PRICKLE2: variants seen among roughly 807,000 people sequenced by gnomAD.
PRICKLE2 encodes the protein prickle-like protein 2.
In PRICKLE2, 21 loss-of-function variants were observed where a neutral mutation model predicts 81.4. The ratio of observed to expected loss-of-function variants is 0.26; its 90% CI spans 0.18 to 0.37. The LOEUF is 0.37. Among genes scored for constraint, PRICKLE2 ranks in the 10% least tolerant of loss-of-function variants. PRICKLE2 has a pLI of 1.00. For synonymous variants in PRICKLE2, 456 were observed against 421.5 expected (o/e 1.08, Z -1.00); for missense variants, 940 against 1,109.0 (o/e 0.85, Z 2.16).
intron 7 of PRICKLE2, among the ~76,000 whole-genome samples, chr3:64,142,245 G>A (rs1341818982): frequency 2.0e-5 from 3 of 150,312 alleles, no homozygotes; most frequent in Non-Finnish European, 4.4e-5. Context: ...TTAATTCCCT[G>A]TTTTTCATGG....
At chr3:64,183,043 A>C (rs1481264652) in intron 2 of PRICKLE2, among the ~76,000 whole-genome samples, 1 of 152,212 alleles carries the variant, frequency 6.6e-6, no homozygotes, top group Non-Finnish European at 1.5e-5. Flanking sequence ...GAATAATAGG[A>C]ATGCAATATC....
chr3:64,117,302 C>T (rs921505458), intron 7 of PRICKLE2, among the ~76,000 whole-genome samples: 14 of 152,262 alleles, frequency 9.2e-5, no homozygotes, highest in African/African-American at 3.4e-4. Flanking sequence ...GACAAGGATG[C>T]CCTCTCTCAC....
chr3:64,159,638 C>T (rs558423657), intron 4 of PRICKLE2, among the ~76,000 whole-genome samples: 13 of 152,326 alleles, frequency 8.5e-5, no homozygotes, highest in Middle Eastern at 6.8e-3. Flanking sequence ...CATCTTTGCT[C>T]AGATCTTCTA....
In PRICKLE2 at chr3:64,096,155, G is replaced by C. The variant is rs776570106; in HGVS notation, c.*2896C>G. 2.0e-5 allele frequency: 3 copies of C among 152,212 alleles called. No individual in the cohort carries two copies. Among genetic ancestry groups the C allele is most frequent in the Non-Finnish European group, 4.4e-5 (3 of 68,058 alleles). 9.4% of individuals were successfully genotyped at this position (152,212 alleles called of 1,614,324 possible). On this transcript the variant is annotated 3_prime_UTR_variant, in exon 8 of 8. Coordinates refer to ENST00000638394, the MANE Select transcript of PRICKLE2 (RefSeq NM_198859.4). ...CCAAAAGACAAGAAGATCAATATTA[G>C]GAGAGGTGGGAAAAATAACAACCAG...
At chr3:64,227,119 AT>A (rs1251405924), upstream of PRICKLE2, among the ~76,000 whole-genome samples, 1 of 152,232 alleles carries the variant, frequency 6.6e-6, no homozygotes, top group East Asian at 1.9e-4. Context: ...TTCTTTCAGA[AT>A]GCTTCTCTCT....
intron 2 of PRICKLE2, among the ~76,000 whole-genome samples, chr3:64,179,063 T>C (rs2078081020): frequency 6.6e-6 from 1 of 151,420 alleles, no homozygotes; most frequent in South Asian, 2.1e-4. Context: ...TTTCTTCTTT[T>C]TCTTTTCTCT....
At chr3:64,106,481 T>C (rs1355958431) in intron 7 of PRICKLE2, among the ~76,000 whole-genome samples, 1 of 152,188 alleles carries the variant, frequency 6.6e-6, no homozygotes, top group Non-Finnish European at 1.5e-5. Flanking sequence ...ATTGAATGCA[T>C]GATTGTATGG....
At chr3:64,181,559 C>T (rs1461085882) in intron 2 of PRICKLE2, among the ~76,000 whole-genome samples, 2 of 152,048 alleles carry the variant, frequency 1.3e-5, no homozygotes, top group Admixed American at 1.3e-4. Context: ...AGTTATTCTA[C>T]TGACAGCTCT....
intron 2 of PRICKLE2, among the ~76,000 whole-genome samples, chr3:64,245,675 T>C (rs1447387359): frequency 1.3e-5 from 2 of 152,196 alleles, no homozygotes; most frequent in Non-Finnish European, 2.9e-5. Context: ...GGAGGATTCC[T>C]CTTTTTGTAC....
At chr3:64,214,337 G>A (rs2107140139) in intron 1 of PRICKLE2, among the ~76,000 whole-genome samples, 1 of 152,306 alleles carries the variant, frequency 6.6e-6, no homozygotes, top group South Asian at 2.1e-4. Context: ...AGCGATTGGA[G>A]GTTTACCAGA....
upstream of PRICKLE2, among the ~76,000 whole-genome samples, chr3:64,228,099 T>C (rs1369019503): frequency 4.6e-5 from 7 of 152,188 alleles, no homozygotes; most frequent in Non-Finnish European, 1.0e-4. Flanking sequence ...AAGACAACTA[T>C]ATTTTTGAGA....
At chr3:64,165,853 C>T (rs915909125) in intron 2 of PRICKLE2, among the ~76,000 whole-genome samples, 2 of 152,074 alleles carry the variant, frequency 1.3e-5, no homozygotes, top group African/African-American at 4.8e-5. Flanking sequence ...AGAGTGAGAC[C>T]AAACCCTGAA....
chr3:64,098,983 A>C lies in PRICKLE2; in HGVS notation c.*68T>G. 6.3e-7 allele frequency: 1 copy of C among 1,598,294 alleles called. No individual in the cohort carries two copies. The highest frequency in any genetic ancestry group is 1.1e-5 in the South Asian group (1 of 90,426). ...ACCCCCAAAAGCGCTTTAACATTTA[A>C]AACAGTGCAAGTTTCTGACTTTACA... On this transcript the variant is annotated 3_prime_UTR_variant, in exon 8 of 8. Coordinates refer to ENST00000638394, the MANE Select transcript of PRICKLE2 (RefSeq NM_198859.4).
At position 64,147,105 on chromosome 3, in the gene PRICKLE2, C is replaced by A. The variant is rs1223847140; in HGVS notation, c.1385G>T (p.Gly462Val). The change falls in exon 7 of 8, where the codon GGC becomes GTC. Residue 462 changes from glycine (G) to valine (V), a missense_variant. Around this residue, in one of 2 missense-constraint regions of PRICKLE2, gnomAD observed 670 missense variants for 717.2 expected, o/e 0.93. Coordinates refer to ENST00000638394, the MANE Select transcript of PRICKLE2 (RefSeq NM_198859.4). This position sits in a 1 kb window ranked among gnomAD's most constrained non-coding sequence, Gnocchi z 5.0. ...SSSLAMTGHA[G>V]SFIKECREDY... ...TTCTCGGCATTCCTTGATGAAGCTGCCAGCATGTCCTGTCATGGCCAGTGA... is the reference window on the plus strand; with the variant it reads ...TTCTCGGCATTCCTTGATGAAGCTGACAGCATGTCCTGTCATGGCCAGTGA... 1 of 1,614,048 alleles carries A rather than the reference C, an allele frequency of 6.2e-7. No individual in the cohort carries two copies. Among genetic ancestry groups the A allele is most frequent in the Non-Finnish European group, 8.5e-7 (1 of 1,180,042 alleles).
At chr3:64,141,787 G>C (rs1185878852) in intron 7 of PRICKLE2, 1 of 984,840 alleles carries the variant, frequency 1.0e-6, no homozygotes, top group Non-Finnish European at 1.2e-6. Context: ...CCCACAGAAA[G>C]ATCACACTTC....
chr3:64,195,891 G>A (rs545115911), intron 2 of PRICKLE2, among the ~76,000 whole-genome samples: 12 of 152,242 alleles, frequency 7.9e-5, no homozygotes, highest in East Asian at 5.8e-4. Context: ...AATCATCTGT[G>A]TCATAAAGAT....
Position 64,176,721 on chromosome 3 carries a change from C to T in PRICKLE2, c.145-13592G>A, listed in dbSNP as rs550947441. ...CATTAAATACATGATTGAGAAGTGA[C>T]CAGAAAATATGAAAATGAAGGAACT... On this transcript the variant is annotated intron_variant, in intron 2 of 7. Coordinates refer to ENST00000638394, the MANE Select transcript of PRICKLE2 (RefSeq NM_198859.4). Among the ~76,000 whole-genome samples, 6 of 152,238 alleles carry T rather than the reference C, an allele frequency of 3.9e-5. No homozygotes were observed. In the South Asian group the frequency reaches 1.2e-3, roughly 32 times the overall value.
intron 4 of PRICKLE2, among the ~76,000 whole-genome samples, chr3:64,159,068 T>C (rs1234216261): frequency 6.6e-6 from 1 of 152,126 alleles, no homozygotes; most frequent in Non-Finnish European, 1.5e-5. Context: ...CAAGGTGTGT[T>C]CCCACCCTGC....
At chr3:64,197,094 C>G (rs918326951) in intron 2 of PRICKLE2, among the ~76,000 whole-genome samples, 5 of 152,156 alleles carry the variant, frequency 3.3e-5, no homozygotes, top group African/African-American at 9.7e-5. Context: ...TATCACTACT[C>G]TTAAGTTATG....
Sources: gnomAD v4.1 joint callset for allele counts (sites outside exome capture counted in the v4.1 genomes callset) on GRCh38, gnomAD v4.1.1 for gene constraint, gnomAD v4.1.1 regional missense constraint, Gnocchi (gnomAD v3.1) non-coding constraint, MANE v1.5 for transcripts, NCBI Gene and HGNC (gene_info 2026-07-23, HGNC 2026-07-21) for gene names.